Variants in PTPN14 observed in about 807,000 individuals in gnomAD.
The protein encoded by PTPN14 is tyrosine-protein phosphatase non-receptor type 14.
A neutral mutation model predicts 126.8 loss-of-function variants in PTPN14; 53 were observed. That is an observed-to-expected ratio of 0.42 (90% CI 0.34 to 0.53). PTPN14 has a LOEUF of 0.53. Ranked by LOEUF, PTPN14 falls within the 20% of genes least tolerant of loss-of-function variation. The probability of loss-of-function intolerance (pLI) is 0.08; values close to 1 mark genes in which losing one functional copy is unlikely to be tolerated. For synonymous variants in PTPN14, 630 were observed against 599.3 expected (o/e 1.05, Z -0.75); for missense variants, 1,257 against 1,552.9 (o/e 0.81, Z 3.20).
intron 1 of PTPN14, among the ~76,000 whole-genome samples, chr1:214,524,319 G>A (rs749331626): frequency 1.3e-5 from 2 of 151,996 alleles, no homozygotes; most frequent in Non-Finnish European, 1.5e-5. Context: ...ATATGAAGTG[G>A]GCCTAGAAGA....
At chr1:214,398,134 G>A in intron 7 of PTPN14, 133 bp from the exon 8 acceptor site, 1 of 648,530 alleles carries the variant, frequency 1.5e-6, no homozygotes, top group South Asian at 2.2e-5. Context: ...GTACATGTGT[G>A]TACAAGGGAG....
In PTPN14 at chr1:214,384,432, G is replaced by A; in HGVS notation, c.1423C>T (p.His475Tyr). Reference sequence around the variant, plus strand: ...AGATCCTCTGGCTGGTTGTAGGCATGGGTGTTGATAATGTTGAGGTTTCTC... The same window carrying A: ...AGATCCTCTGGCTGGTTGTAGGCATAGGTGTTGATAATGTTGAGGTTTCTC... ...SLRNLNIINT[H>Y]AYNQPEDLVY... Residue 475 changes from histidine (H) to tyrosine (Y), a missense_variant, in exon 13 of 19, where the codon CAT becomes TAT. Transcript: ENST00000366956. This position sits in a 1 kb window ranked among gnomAD's most constrained non-coding sequence, Gnocchi z 5.3. The A allele has an allele frequency of 6.2e-7, 1 of 1,614,164 alleles. No homozygotes were observed. Among genetic ancestry groups the A allele is most frequent in the Non-Finnish European group, 8.5e-7 (1 of 1,180,024 alleles).
Position 214,383,761 on chromosome 1 carries a change from G to T in PTPN14, c.2094C>A (p.Phe698Leu), listed in dbSNP as rs1479604887. 1 of 1,613,322 alleles carries T rather than the reference G, an allele frequency of 6.2e-7. No homozygotes were observed. Among genetic ancestry groups the T allele is most frequent in the Non-Finnish European group, 8.5e-7 (1 of 1,180,032 alleles). ...TGTGGATTAGCATAGTGGCATCAGA[G>T]AAGGTCTTCTTGTGGTGATACTGAG... is the stretch of plus-strand genomic sequence containing the variant. ...QLPQYHHKKTFSDATMLIHSS... is the reference protein window; with the variant it reads ...QLPQYHHKKTLSDATMLIHSS... Residue 698 changes from phenylalanine (F) to leucine (L), a missense_variant, in exon 13 of 19, where the codon TTC (phenylalanine) becomes TTA (leucine). By Grantham distance (22) the Phe-to-Leu change is conservative. Coordinates refer to ENST00000366956, the MANE Select transcript of PTPN14 (RefSeq NM_005401.5). The surrounding 1 kb of genome is among the most constrained non-coding windows in gnomAD (Gnocchi z 4.4).
intron 2 of PTPN14, among the ~76,000 whole-genome samples, chr1:214,459,339 G>A (rs1288575424): frequency 6.6e-6 from 1 of 151,574 alleles, no homozygotes; most frequent in South Asian, 2.1e-4. Flanking sequence ...TTTTAGTAGA[G>A]ATGGGGTTTC....
At chr1:214,449,580 A>G (rs1378766135) in intron 3 of PTPN14, among the ~76,000 whole-genome samples, 12 of 152,206 alleles carry the variant, frequency 7.9e-5, no homozygotes, top group Admixed American at 7.9e-4. Context: ...CTGTGTTCCT[A>G]GCACCGTGTA....
At chr1:214,463,075 G>A (rs765075993) in intron 2 of PTPN14, among the ~76,000 whole-genome samples, 8 of 152,130 alleles carry the variant, frequency 5.3e-5, no homozygotes, top group Non-Finnish European at 1.0e-4. Context: ...AGAAGAGTAA[G>A]CTGAACCCAA....
intron 4 of PTPN14, among the ~76,000 whole-genome samples, chr1:214,413,828 T>C (rs955605568): frequency 7.2e-5 from 11 of 152,096 alleles, no homozygotes; most frequent in Middle Eastern, 3.2e-3. Context: ...GCCACCATGC[T>C]TGGCTAATTC....
At chr1:214,441,982 T>C (rs1319473363) in intron 3 of PTPN14, among the ~76,000 whole-genome samples, 2 of 152,246 alleles carry the variant, frequency 1.3e-5, no homozygotes, top group Non-Finnish European at 2.9e-5. Flanking sequence ...AATGAATGAA[T>C]GTATCTTTGA....
chr1:214,392,708 G>C (rs1658785924), intron 10 of PTPN14, among the ~76,000 whole-genome samples: 1 of 152,134 alleles, frequency 6.6e-6, no homozygotes, highest in South Asian at 2.1e-4. Context: ...ATTCACATTT[G>C]CAAACCAAGC....
chr1:214,472,056 GGCGTCA>G (rs1295348824), intron 1 of PTPN14, among the ~76,000 whole-genome samples: 1 of 152,136 alleles, frequency 6.6e-6, no homozygotes, highest in Non-Finnish European at 1.5e-5. Flanking sequence ...GACCTGTGTG[GGCGTCA>G]GCTTTGTAAC....
intron 1 of PTPN14, among the ~76,000 whole-genome samples, chr1:214,520,065 A>AAAAAAATATATATATATAT: frequency 3.9e-4 from 28 of 71,082 alleles, no homozygotes; most frequent in Non-Finnish European, 2.9e-4. Context: ...AAAAAAAAAA[A>AAAAAAATATATATATATAT]ATATATATAT....
At chr1:214,457,770 A>G (rs2102642497) in intron 2 of PTPN14, among the ~76,000 whole-genome samples, 1 of 152,320 alleles carries the variant, frequency 6.6e-6, no homozygotes, top group African/African-American at 2.4e-5. Flanking sequence ...CCTGTACTCA[A>G]ACATACATAT....
intron 8 of PTPN14, among the ~76,000 whole-genome samples, chr1:214,395,845 T>A (rs1658865854): frequency 6.6e-6 from 1 of 152,040 alleles, no homozygotes; most frequent in African/African-American, 2.4e-5. Flanking sequence ...ACTTCTACCA[T>A]CCTCTGTTTG....
At chr1:214,407,842 G>C (rs1343939010) in intron 5 of PTPN14, among the ~76,000 whole-genome samples, 1 of 152,168 alleles carries the variant, frequency 6.6e-6, no homozygotes, top group Non-Finnish European at 1.5e-5. Context: ...GAATCCAGCA[G>C]TTCTCAAAGT....
At position 214,383,540 on chromosome 1, in the gene PTPN14, G is replaced by A. The variant is rs1658522809; in HGVS notation, c.2315C>T (p.Pro772Leu). 3 of 1,613,842 alleles carry A rather than the reference G, an allele frequency of 1.9e-6. No individual in the cohort carries two copies. Among genetic ancestry groups the A allele is most frequent in the Non-Finnish European group, 2.5e-6 (3 of 1,179,940 alleles). ...GALRQDQASL[P>L]PAMARARVLR... Reference sequence around the variant, plus strand: ...CACCCTGGCTCTGGCCATGGCGGGAGGAAGGCTGGCTTGGTCCTGCCTCAG... The same window carrying A: ...CACCCTGGCTCTGGCCATGGCGGGAAGAAGGCTGGCTTGGTCCTGCCTCAG... The change falls in exon 13 of 19, where the codon CCT becomes CTT. Residue 772 changes from proline (P) to leucine (L), a missense_variant. By Grantham distance (98) the Pro-to-Leu change is moderately conservative (BLOSUM62 -3). This residue lies in a region of PTPN14 where 1,021 missense variants were observed against 1,183.3 expected (regional missense o/e 0.86). Transcript: ENST00000366956. The surrounding 1 kb of genome is among the most constrained non-coding windows in gnomAD (Gnocchi z 4.4).
At position 214,360,262 on chromosome 1, in the gene PTPN14, CA is replaced by C. The variant is rs1657923734; in HGVS notation, c.3436-2213del. 1.3e-5 allele frequency among the ~76,000 whole-genome samples: 2 copies of C among 152,210 alleles called. 1 individual carries two copies. The highest frequency in any genetic ancestry group is 1.3e-4 in the Admixed American group (2 of 15,284). ...ATAGGTATGACATGACACGTGCCATCAGTCACTCTTGTTCAACACCAACTAA... is the reference window on the plus strand; with the variant it reads ...ATAGGTATGACATGACACGTGCCATCGTCACTCTTGTTCAACACCAACTAA... On this transcript the variant is annotated intron_variant, in intron 18 of 18. Transcript: ENST00000366956.
chr1:214,520,065 A>AAAAAAAAAAAAAAAAAAATATATATATAT, intron 1 of PTPN14, among the ~76,000 whole-genome samples: 1 of 71,112 alleles, frequency 1.4e-5, no homozygotes, highest in East Asian at 4.8e-4. Flanking sequence ...AAAAAAAAAA[A>AAAAAAAAAAAAAAAAAAATATATATATAT]ATATATATAT....
intron 1 of PTPN14, among the ~76,000 whole-genome samples, chr1:214,521,638 C>G (rs955230814): frequency 6.6e-6 from 1 of 152,064 alleles, no homozygotes; most frequent in African/African-American, 2.4e-5. Flanking sequence ...CCGCCTGAAC[C>G]AGGGAGGCGG....
chr1:214,465,980 G>T (rs187125256), intron 1 of PTPN14, among the ~76,000 whole-genome samples: 2 of 5,090 alleles, frequency 3.9e-4, no homozygotes, highest in African/African-American at 7.7e-4. Context: ...TTGTGAAGAC[G>T]GAGTCTCACC....
Sources: allele counts gnomAD v4.1 joint callset (sites outside exome capture counted in the v4.1 genomes callset), GRCh38; gene constraint gnomAD v4.1.1; regional missense constraint gnomAD v4.1.1; non-coding constraint Gnocchi (gnomAD v3.1); transcripts MANE v1.5; gene names NCBI Gene and HGNC (gene_info 2026-07-23, HGNC 2026-07-21).